Variants in SLC5A10 observed in about 807,000 individuals in gnomAD.
The protein encoded by SLC5A10 is solute carrier family 5 member 10, also known as sodium/mannose cotransporter SLC5A10.
A neutral mutation model predicts 68.9 loss-of-function variants in SLC5A10; 55 were observed. That is an observed-to-expected ratio of 0.80 (90% confidence interval 0.64 to 1.00). The LOEUF (loss-of-function observed/expected upper bound fraction) is 1.00. Among genes scored for constraint, SLC5A10 ranks in the 50% least tolerant of loss-of-function variants. The pLI, the probability that SLC5A10 is intolerant of heterozygous loss-of-function variation, is 0.00. For missense variants in SLC5A10, 732 were observed against 819.3 expected, an observed-to-expected ratio of 0.89 and a Z score of 1.30; for synonymous variants, 344 against 344.8, an observed-to-expected ratio of 1.00 and a Z score of 0.02.
chr17:19,005,652 C>CCA (rs2152145388), intron 9 of SLC5A10, among the ~76,000 whole-genome samples: 1 of 152,084 alleles, frequency 6.6e-6, no homozygotes, highest in East Asian at 1.9e-4. Flanking sequence ...CTCAAACCCC[C>CCA]CCCCTCCAAG....
rs34638037 is a variant in SLC5A10 at position 18,953,128 on chromosome 17, C to CTTTTT, written c.111+829_111+833dup. On this transcript the variant is annotated intron_variant, in intron 1 of 14. Transcript: ENST00000395645. ...CTCCTGGGGAGAATGAGTACCCCTT[C>CTTTTT]TTTTTTTTTTTTTTTTTTTTTAACT... Among the ~76,000 whole-genome samples, 2 of 125,252 alleles carry CTTTTT rather than the reference C, an allele frequency of 1.6e-5. 1 individual carries two copies. Among genetic ancestry groups the CTTTTT allele is most frequent in the Non-Finnish European group, 3.3e-5 (2 of 60,608 alleles). The allele number at this position is 125,252 out of a possible 152,430, so 82.2% of individuals were successfully genotyped here. A position where few individuals can be genotyped will look rare whatever the true frequency, so the allele number is the denominator to read the frequency against.
At position 18,964,320 on chromosome 17, in the gene SLC5A10, C is replaced by T. The variant is rs184534440; in HGVS notation, c.453+3668C>T. On this transcript the variant is annotated intron_variant, in intron 5 of 14. Coordinates refer to ENST00000395645, the MANE Select transcript of SLC5A10 (RefSeq NM_001042450.4). ...AGTAAATATTTTCAGCTTCACAGGC[C>T]ACCCAGTCTCTGTCCTCACTCCTCA... 1.4e-4 allele frequency among the ~76,000 whole-genome samples: 21 copies of T among 152,292 alleles called. No individual in the cohort carries two copies. In the East Asian group the frequency reaches 2.1e-3, roughly 15 times the overall value.
chr17:18,971,192 G>T lies in SLC5A10; in HGVS notation c.820G>T (p.Ala274Ser). 3.1e-6 allele frequency: 5 copies of T among 1,613,964 alleles called. No homozygotes were observed. The highest frequency in any genetic ancestry group is 1.1e-5 in the South Asian group (1 of 91,086). The change falls in exon 8 of 15, where the codon GCC becomes TCC. Residue 274 changes from alanine (A) to serine (S), a missense_variant. By Grantham distance (99) the Ala-to-Ser change is moderately conservative. Coordinates refer to ENST00000395645, the MANE Select transcript of SLC5A10 (RefSeq NM_001042450.4). This position sits in a 1 kb window ranked among gnomAD's most constrained non-coding sequence, Gnocchi z 5.5. Reference protein sequence around the residue: ...TGMTFGLTIMATWYWCTDQVI... With the variant: ...TGMTFGLTIMSTWYWCTDQVI... Reference sequence around the variant, plus strand: ...GATGACCTTTGGCCTGACCATCATGGCCACCTGGTACTGGTGCACCGACCA... The same window carrying T: ...GATGACCTTTGGCCTGACCATCATGTCCACCTGGTACTGGTGCACCGACCA...
intron 9 of SLC5A10, among the ~76,000 whole-genome samples, chr17:19,011,247 C>T (rs1276971113): frequency 6.6e-6 from 1 of 152,178 alleles, no homozygotes; most frequent in South Asian, 2.1e-4. Context: ...CAGGGAAGGC[C>T]TCAGAGCACA....
chr17:18,987,871 C>T (rs2152129101), intron 9 of SLC5A10, among the ~76,000 whole-genome samples: 1 of 152,316 alleles, frequency 6.6e-6, no homozygotes, highest in East Asian at 1.9e-4. Flanking sequence ...TGAAGCTCTC[C>T]AGAAAGGCCA....
At chr17:18,999,767 C>G (rs2043680070) in intron 9 of SLC5A10, among the ~76,000 whole-genome samples, 1 of 152,242 alleles carries the variant, frequency 6.6e-6, no homozygotes, top group Non-Finnish European at 1.5e-5. Context: ...TTCTCTGGGT[C>G]TGTTCCCAAG....
At chr17:18,966,286 C>T (rs1364865955) in intron 5 of SLC5A10, among the ~76,000 whole-genome samples, 2 of 152,152 alleles carry the variant, frequency 1.3e-5, no homozygotes, top group East Asian at 3.9e-4. Flanking sequence ...CCAGTTGCTC[C>T]GGCCCCATGG....
chr17:18,959,191 G>A lies in SLC5A10; in HGVS notation c.240G>A (p.Ala80=), dbSNP rs147790895. ...GCTCTGGCCTCTTCATTGGACTGGC[G>A]GGCTCAGGCGCGGCAGGAGGTCTGG... The part of the protein sequence containing the change: ...SEGSGLFIGL[A]GSGAAGGLAV... The change falls in exon 3 of 15, where the codon GCG becomes GCA. Residue 80 remains alanine (A), a synonymous_variant. Coordinates refer to ENST00000395645, the MANE Select transcript of SLC5A10 (RefSeq NM_001042450.4). The A allele has an allele frequency of 2.6e-4, 426 of 1,613,448 alleles. No homozygotes were observed. Among genetic ancestry groups the A allele is most frequent in the Non-Finnish European group, 3.4e-4 (402 of 1,179,986 alleles).
In SLC5A10 at chr17:19,003,383, AGAG is replaced by A. The variant is rs1266799737; in HGVS notation, c.983-10025_983-10023del. 1.5e-5 allele frequency: 14 copies of A among 960,142 alleles called. No individual in the cohort carries two copies. Among genetic ancestry groups the A allele is most frequent in the Non-Finnish European group, 2.0e-5 (14 of 709,522 alleles). The allele number at this position is 960,142 out of a possible 1,614,324, so 59.5% of individuals were successfully genotyped here. A position where few individuals can be genotyped will look rare whatever the true frequency, so the allele number is the denominator to read the frequency against. On this transcript the variant is annotated intron_variant, in intron 9 of 14. Transcript: ENST00000395645. The surrounding 1 kb of genome is among the most constrained non-coding windows in gnomAD (Gnocchi z 4.5). ...AAGGTGGGGAGGAAACCTCCACCCA[AGAG>A]GCAGCCAGGGAAAACAGCAGAGATC...
chr17:18,997,166 G>A lies in SLC5A10; in HGVS notation c.983-16244G>A, dbSNP rs577198229. On this transcript the variant is annotated intron_variant, in intron 9 of 14. Transcript: ENST00000395645. Reference sequence around the variant, plus strand: ...CAGTGGGTTGGGGTCAAGAAGCCCAGGCTAATCATGCCCAGAGCGCTCTGA... The same window carrying A: ...CAGTGGGTTGGGGTCAAGAAGCCCAAGCTAATCATGCCCAGAGCGCTCTGA... Among the ~76,000 whole-genome samples the A allele has an allele frequency of 2.0e-5, 3 of 152,376 alleles. No homozygotes were observed. The East Asian group carries it at 5.8e-4, about 29-fold the overall frequency.
chr17:18,957,675 A>G (rs909890120), intron 1 of SLC5A10, among the ~76,000 whole-genome samples: 1 of 152,160 alleles, frequency 6.6e-6, no homozygotes, highest in African/African-American at 2.4e-5. Flanking sequence ...CATGTTGGCC[A>G]GGATGGACTC....
At chr17:18,964,788 G>A (rs150379039) in intron 5 of SLC5A10, among the ~76,000 whole-genome samples, 2,109 of 152,258 alleles carry the variant, frequency 0.014, 56 homozygotes, top group African/African-American at 0.048. Flanking sequence ...TGGGGACCAC[G>A]CAGAGCCTCT....
At chr17:18,962,561 G>T (rs548191799) in intron 5 of SLC5A10, among the ~76,000 whole-genome samples, 2 of 152,180 alleles carry the variant, frequency 1.3e-5, no homozygotes, top group African/African-American at 2.4e-5. Flanking sequence ...AGTTTTCAGG[G>T]TCTGGCCTGC....
chr17:19,020,478 C>A lies in SLC5A10; in HGVS notation c.*47C>A. 6.3e-7 allele frequency: 1 copy of A among 1,575,144 alleles called. No homozygotes were observed. Among genetic ancestry groups the A allele is most frequent in the Non-Finnish European group, 8.7e-7 (1 of 1,147,446 alleles). On this transcript the variant is annotated 3_prime_UTR_variant, in exon 15 of 15. Transcript: ENST00000395645. ...GGCAGGAGCTCTGAGTCCTCAGGTC[C>A]ACCCATTTCCCTCATGGGGATCCCG...
At chr17:18,951,354 A>G (rs1163325418), upstream of SLC5A10, among the ~76,000 whole-genome samples, 1 of 135,668 alleles carries the variant, frequency 7.4e-6, no homozygotes, top group African/African-American at 2.8e-5. Flanking sequence ...TGGCTGCGTA[A>G]TGGCGGATGG....
rs2044277681 is a variant in SLC5A10, at chr17:19,022,323, C to A, written c.*1892C>A. On this transcript the variant is annotated 3_prime_UTR_variant, in exon 15 of 15. Transcript: ENST00000395645. Reference sequence around the variant, plus strand: ...ACCACTGGGCCTCCTGCTGCCCACACCCCTGCCTGTCTGCTGTGCAGATGC... The same window carrying A: ...ACCACTGGGCCTCCTGCTGCCCACAACCCTGCCTGTCTGCTGTGCAGATGC... 6.4e-6 allele frequency: 3 copies of A among 465,784 alleles called. No homozygotes were observed. The highest frequency in any genetic ancestry group is 2.0e-5 in the African/African-American group (1 of 49,204). The allele number at this position is 465,784 out of a possible 1,614,324, so 28.9% of individuals were successfully genotyped here. A position where few individuals can be genotyped will look rare whatever the true frequency, so the allele number is the denominator to read the frequency against.
chr17:19,003,811 G>T lies in SLC5A10; in HGVS notation c.983-9599G>T. 1 of 1,612,844 alleles carries T rather than the reference G, an allele frequency of 6.2e-7. No homozygotes were observed. Among genetic ancestry groups the T allele is most frequent in the South Asian group, 1.1e-5 (1 of 91,086 alleles). ...GGCCCGTGCCCCGAGGGTCCTCAGA[G>T]CCCGGGTCGTACACCTCGATGGTCT... On this transcript the variant is annotated intron_variant, in intron 9 of 14. Transcript: ENST00000395645. This position sits in a 1 kb window ranked among gnomAD's most constrained non-coding sequence, Gnocchi z 4.5.
intron 5 of SLC5A10, among the ~76,000 whole-genome samples, chr17:18,963,747 C>A (rs1212483913): frequency 2.0e-5 from 3 of 152,230 alleles, no homozygotes; most frequent in Non-Finnish European, 4.4e-5. Context: ...GGAGGACCGG[C>A]GATGGCAGGG....
In SLC5A10 at chr17:18,976,942, T is replaced by C; in HGVS notation, c.935T>C (p.Met312Thr). 1 of 1,613,368 alleles carries C rather than the reference T, an allele frequency of 6.2e-7. No homozygotes were observed. Among genetic ancestry groups the C allele is most frequent in the Non-Finnish European group, 8.5e-7 (1 of 1,179,794 alleles). Residue 312 changes from methionine (M) to threonine (T), a missense_variant, in exon 9 of 15, where the codon ATG becomes ACG. Coordinates refer to ENST00000395645, the MANE Select transcript of SLC5A10 (RefSeq NM_001042450.4). ...GCCAGCTACCTCAAGATGCTCCCCA[T>C]GGGCCTGATCATCATGCCGGGCATG... Reference protein sequence around the residue: ...ILASYLKMLPMGLIIMPGMIS... With the variant: ...ILASYLKMLPTGLIIMPGMIS...
Sources: gnomAD v4.1 joint callset for allele counts (sites outside exome capture counted in the v4.1 genomes callset) on GRCh38, gnomAD v4.1.1 for gene constraint, Gnocchi (gnomAD v3.1) non-coding constraint, MANE v1.5 for transcripts, NCBI Gene and HGNC (gene_info 2026-07-23, HGNC 2026-07-21) for gene names.